The following PLCE1 variants were observed in gnomAD, a reference collection of about 807,000 sequenced individuals.
PLCE1 encodes the protein 1-phosphatidylinositol 4,5-bisphosphate phosphodiesterase epsilon-1.
In PLCE1, 119 loss-of-function variants were observed where a neutral mutation model predicts 242.8. The ratio of observed to expected loss-of-function variants is 0.49; its 90% CI spans 0.42 to 0.57. PLCE1 has a LOEUF of 0.57. Ranked by LOEUF, PLCE1 falls within the 20% of genes least tolerant of loss-of-function variation. The pLI, the probability that PLCE1 is intolerant of heterozygous loss-of-function variation, is 0.00. For synonymous variants in PLCE1, 945 were observed against 1,017.4 expected (o/e 0.93, Z 1.35); for missense variants, 2,441 against 2,788.8 (o/e 0.88, Z 2.81).
At chr10:93,995,633 T>A (rs2060805887) in intron 1 of PLCE1, among the ~76,000 whole-genome samples, 1 of 152,250 alleles carries the variant, frequency 6.6e-6, no homozygotes, top group Non-Finnish European at 1.5e-5. Context: ...GGAGATAATA[T>A]AATTGAAAGG....
chr10:94,105,258 ACTGAGTTGGACAGTGTTGAGGTAAACT>A (rs2045685901), intron 2 of PLCE1: 1 of 152,194 alleles, frequency 6.6e-6, no homozygotes, highest in Admixed American at 6.5e-5. Flanking sequence ...CTCTAGGCCA[ACTGAGTTGGACAGTGTTGAGGTAAACT>A]CTGAAAAGCT....
chr10:94,174,734 C>G (rs1006050221), intron 4 of PLCE1, among the ~76,000 whole-genome samples: 7 of 152,108 alleles, frequency 4.6e-5, no homozygotes, highest in African/African-American at 1.7e-4. Context: ...TTCTACTCTT[C>G]AAAAGCATCA....
chr10:94,324,255 TG>T, intron 30 of PLCE1, 93 bp from the exon 31 acceptor site: 1 of 957,232 alleles, frequency 1.0e-6, no homozygotes, highest in Non-Finnish European at 1.7e-6. Context: ...ATCTCTAGTC[TG>T]GGCCATTTTT....
intron 22 of PLCE1, among the ~76,000 whole-genome samples, chr10:94,286,583 A>T (rs1010530209): frequency 1.6e-4 from 24 of 152,358 alleles, no homozygotes; most frequent in African/African-American, 4.6e-4. Context: ...ATATTTCATG[A>T]TATTAAAATC....
intron 21 of PLCE1, 85 bp from the exon 22 acceptor site, chr10:94,284,763 G>A: frequency 1.3e-6 from 1 of 794,224 alleles, no homozygotes; most frequent in Non-Finnish European, 2.3e-6. Context: ...TAACACCAGA[G>A]GAGGACAGAT....
At chr10:94,176,227 C>T (rs1307436258) in intron 4 of PLCE1, among the ~76,000 whole-genome samples, 1 of 152,080 alleles carries the variant, frequency 6.6e-6, no homozygotes. Context: ...AGCAAAACCT[C>T]ATCTCCACAA....
Position 94,252,450 on chromosome 10 carries a change from T to C in PLCE1, c.3231T>C (p.Asn1077=). 1 of 1,613,874 alleles carries C rather than the reference T, an allele frequency of 6.2e-7. No homozygotes were observed. The part of the protein sequence containing the change: ...NAEKPNMQRN[N]TLGISTTKKK... ...AGAAGCCCAATATGCAGAGAAACAATACCCTGGGCATAAGCACTACCAAGA... is the reference window on the plus strand; with the variant it reads ...AGAAGCCCAATATGCAGAGAAACAACACCCTGGGCATAAGCACTACCAAGA... Residue 1077 remains asparagine (N), a synonymous_variant, in exon 9 of 33, where the codon AAT becomes AAC. Transcript: ENST00000371380.
chr10:94,124,817 C>A (rs1998709), intron 2 of PLCE1, among the ~76,000 whole-genome samples: 49,955 of 152,074 alleles, frequency 0.33, 8,661 homozygotes, highest in Non-Finnish European at 0.38. Context: ...ACTCTAAGCC[C>A]ATCAGCAAAT....
chr10:94,252,998 A>G (rs998863041), intron 9 of PLCE1, among the ~76,000 whole-genome samples: 7 of 152,230 alleles, frequency 4.6e-5, no homozygotes, highest in Non-Finnish European at 7.3e-5. Flanking sequence ...AGGAAGGGCT[A>G]GAAGAGAACA....
At chr10:94,006,449 AC>A (rs1488345729) in intron 1 of PLCE1, among the ~76,000 whole-genome samples, 5 of 152,208 alleles carry the variant, frequency 3.3e-5, no homozygotes, top group Non-Finnish European at 5.9e-5. Context: ...AGTTCAAATG[AC>A]AAGTCTACCA....
chr10:94,130,355 G>T (rs879322417), intron 2 of PLCE1, among the ~76,000 whole-genome samples: 1 of 152,156 alleles, frequency 6.6e-6, no homozygotes, highest in Non-Finnish European at 1.5e-5. Context: ...TTCATTGAGG[G>T]TAAAGGAGTG....
At chr10:94,067,035 T>TAAGG in intron 2 of PLCE1, among the ~76,000 whole-genome samples, 3 of 152,236 alleles carry the variant, frequency 2.0e-5, no homozygotes, top group African/African-American at 7.2e-5. Flanking sequence ...TTGCTTTCTT[T>TAAGG]GTTCACCCTT....
intron 4 of PLCE1, among the ~76,000 whole-genome samples, chr10:94,214,169 A>T (rs1253583395): frequency 6.6e-6 from 1 of 152,202 alleles, no homozygotes; most frequent in Non-Finnish European, 1.5e-5. Context: ...AGTTATGCAT[A>T]AAACATTGCA....
chr10:94,094,946 C>T (rs763688308), intron 2 of PLCE1, among the ~76,000 whole-genome samples: 17 of 152,202 alleles, frequency 1.1e-4, no homozygotes, highest in African/African-American at 4.1e-4. Flanking sequence ...AATCTAAGTT[C>T]ATTTGACCAA....
chr10:94,194,694 C>T (rs539374402), intron 4 of PLCE1, among the ~76,000 whole-genome samples: 1 of 152,314 alleles, frequency 6.6e-6, no homozygotes, highest in South Asian at 2.1e-4. Context: ...GTCTCTTCAT[C>T]TGTAAAGTGG....
intron 2 of PLCE1, among the ~76,000 whole-genome samples, chr10:94,039,240 T>C (rs1343381911): frequency 6.6e-6 from 1 of 152,208 alleles, no homozygotes; most frequent in African/African-American, 2.4e-5. Context: ...CCATTTCTTT[T>C]GGATAAATAC....
chr10:94,232,359 A>G (rs2137263536), intron 5 of PLCE1, among the ~76,000 whole-genome samples: 1 of 152,324 alleles, frequency 6.6e-6, no homozygotes, highest in African/African-American at 2.4e-5. Flanking sequence ...CAACCCAACC[A>G]GTCTCAGAGA....
intron 4 of PLCE1, among the ~76,000 whole-genome samples, chr10:94,181,785 G>A (rs2048319953): frequency 7.5e-6 from 1 of 133,428 alleles, no homozygotes; most frequent in Non-Finnish European, 1.5e-5. Context: ...GGGCATGGTG[G>A]TGCATACCTG....
chr10:94,034,824 A>G (rs1171463372), intron 2 of PLCE1, among the ~76,000 whole-genome samples: 1 of 152,118 alleles, frequency 6.6e-6, no homozygotes, highest in Non-Finnish European at 1.5e-5. Context: ...ATTGGCTAGG[A>G]GTTTAAACAG....
Sources: allele counts gnomAD v4.1 joint callset (sites outside exome capture counted in the v4.1 genomes callset), GRCh38; gene constraint gnomAD v4.1.1; transcripts MANE v1.5; gene names NCBI Gene and HGNC (gene_info 2026-07-23, HGNC 2026-07-21).